Variants in TRPM3 observed in about 807,000 individuals in gnomAD.
TRPM3 encodes the protein long transient receptor potential channel 3.
A neutral mutation model predicts 181.2 loss-of-function variants in TRPM3; 77 were observed. That is an observed-to-expected ratio of 0.42 (90% CI 0.35 to 0.51). The LOEUF is 0.51. Among genes scored for constraint, TRPM3 ranks in the 20% least tolerant of loss-of-function variants. TRPM3 has a pLI of 0.01. For missense variants in TRPM3, 1,759 were observed against 2,196.7 expected, an observed-to-expected ratio of 0.80 and a Z score of 3.98; for synonymous variants, 745 against 796.4, an observed-to-expected ratio of 0.94 and a Z score of 1.09.
At chr9:70,923,907 CACAT>C (rs1320668868) in intron 1 of TRPM3, among the ~76,000 whole-genome samples, 1 of 107,210 alleles carries the variant, frequency 9.3e-6, no homozygotes, top group African/African-American at 2.7e-5. Context: ...CATACACACA[CACAT>C]ATATACATAT....
chr9:70,593,297 G>A (rs2058446317), intron 21 of TRPM3, among the ~76,000 whole-genome samples: 1 of 152,212 alleles, frequency 6.6e-6, no homozygotes, highest in Admixed American at 6.5e-5. Context: ...CAAGCCAGCT[G>A]TGTTGAAAGT....
At chr9:70,656,714 A>T (rs2060390736) in intron 9 of TRPM3, among the ~76,000 whole-genome samples, 1 of 152,204 alleles carries the variant, frequency 6.6e-6, no homozygotes, top group South Asian at 2.1e-4. Context: ...TAGAATCTAA[A>T]GTTGTATTAA....
intron 1 of TRPM3, among the ~76,000 whole-genome samples, chr9:71,004,866 A>G (rs2097656612): frequency 6.6e-6 from 1 of 152,188 alleles, no homozygotes; most frequent in Non-Finnish European, 1.5e-5. Context: ...GACTTGATCA[A>G]ACAGAGGAAA....
At chr9:70,862,574 T>C (rs1040790961) in intron 3 of TRPM3, among the ~76,000 whole-genome samples, 4 of 152,112 alleles carry the variant, frequency 2.6e-5, no homozygotes, top group Non-Finnish European at 5.9e-5. Context: ...GAAAAATATG[T>C]CTTAATGGAT....
intron 1 of TRPM3, among the ~76,000 whole-genome samples, chr9:71,415,904 C>A (rs2093630172): frequency 1.3e-5 from 2 of 151,748 alleles, no homozygotes; most frequent in African/African-American, 4.8e-5. Context: ...AACACTCACC[C>A]TAAAACTGTA....
chr9:70,821,688 G>T (rs1564449239), intron 6 of TRPM3, among the ~76,000 whole-genome samples: 1 of 152,110 alleles, frequency 6.6e-6, no homozygotes, highest in Non-Finnish European at 1.5e-5. Flanking sequence ...TACTCTTTTA[G>T]ATTAATGATT....
rs369718593 is a variant in TRPM3 at position 70,957,179 on chromosome 9, G to A, written c.178-92668C>T. On this transcript the variant is annotated intron_variant, in intron 1 of 25. Coordinates refer to ENST00000677713, the MANE Select transcript of TRPM3 (RefSeq NM_001366145.2). ...GGGTTTCACCATGTTGGTCAGGGTG[G>A]TCTCAAACTCCTGACCTCAAATGAT... 2.4e-4 allele frequency among the ~76,000 whole-genome samples: 37 copies of A among 152,044 alleles called. 1 individual carries two copies. In the South Asian group the frequency reaches 7.7e-3, roughly 32 times the overall value.
chr9:70,546,331 G>C (rs922292532), intron 25 of TRPM3, among the ~76,000 whole-genome samples: 2 of 152,132 alleles, frequency 1.3e-5, no homozygotes, highest in Non-Finnish European at 2.9e-5. Context: ...CAGATCTAGT[G>C]ACAGAAACTC....
chr9:70,770,499 A>AT (rs1438122670), intron 7 of TRPM3, among the ~76,000 whole-genome samples: 1 of 152,294 alleles, frequency 6.6e-6, no homozygotes, highest in South Asian at 2.1e-4. Context: ...ATACATCTAC[A>AT]TTTTTTCAAC....
rs567092538 is a variant in TRPM3 at position 71,270,291 on chromosome 9, A to C, written c.183+176362T>G. On this transcript the variant is annotated intron_variant, in intron 1 of 24. Coordinates refer to the TRPM3 transcript ENST00000357533. ...CTTGAACCTGGGAGGCAGAGGTTAC[A>C]GTGAGCCAAGACGGTGCCACTGCAC... Among the ~76,000 whole-genome samples the C allele has an allele frequency of 5.9e-5, 9 of 152,348 alleles. No individual in the cohort carries two copies. The East Asian group carries it at 1.7e-3, about 29-fold the overall frequency.
intron 1 of TRPM3, among the ~76,000 whole-genome samples, chr9:71,426,931 T>C (rs1029276766): frequency 6.6e-6 from 1 of 152,188 alleles, no homozygotes; most frequent in Admixed American, 6.5e-5. Flanking sequence ...TATGATTTCA[T>C]CCTTGAATAA....
At chr9:70,934,964 C>G (rs138019457) in intron 1 of TRPM3, among the ~76,000 whole-genome samples, 3 of 152,116 alleles carry the variant, frequency 2.0e-5, no homozygotes, top group African/African-American at 4.8e-5. Context: ...ATCTAGAGGG[C>G]CTTTTCCATA....
intron 1 of TRPM3, among the ~76,000 whole-genome samples, chr9:71,359,654 T>G (rs1216388218): frequency 6.6e-6 from 1 of 152,158 alleles, no homozygotes; most frequent in East Asian, 1.9e-4. Flanking sequence ...CTTAGTAACT[T>G]TCTTGGGTGC....
At chr9:70,589,236 T>C (rs1407313838) in intron 22 of TRPM3, among the ~76,000 whole-genome samples, 1 of 152,234 alleles carries the variant, frequency 6.6e-6, no homozygotes, top group Non-Finnish European at 1.5e-5. Context: ...TCTTTTAAAA[T>C]AACAATAATA....
intron 1 of TRPM3, among the ~76,000 whole-genome samples, chr9:71,006,613 T>C (rs2134302095): frequency 6.6e-6 from 1 of 152,258 alleles, no homozygotes; most frequent in East Asian, 1.9e-4. Flanking sequence ...CTCACGCCTG[T>C]AATCTCAGCA....
intron 6 of TRPM3, among the ~76,000 whole-genome samples, chr9:70,798,694 G>A (rs1223724940): frequency 2.0e-5 from 3 of 152,092 alleles, no homozygotes; most frequent in Non-Finnish European, 4.4e-5. Flanking sequence ...CAATGCTTAG[G>A]ATCATACCTT....
chr9:71,016,698 T>C (rs983702311), intron 1 of TRPM3, among the ~76,000 whole-genome samples: 1 of 152,232 alleles, frequency 6.6e-6, no homozygotes, highest in African/African-American at 2.4e-5. Context: ...CTTTTGGCTA[T>C]TGTGAATAAT....
intron 1 of TRPM3, chr9:71,446,547 T>A: frequency 8.4e-7 from 1 of 1,195,766 alleles, no homozygotes; most frequent in African/African-American, 1.6e-5. Context: ...ACAAGTTCCC[T>A]GGCTCTCACC....
intron 1 of TRPM3, among the ~76,000 whole-genome samples, chr9:71,409,163 T>G (rs1030405547): frequency 2.0e-5 from 3 of 152,046 alleles, no homozygotes; most frequent in Non-Finnish European, 2.9e-5. Flanking sequence ...CATGACAAAT[T>G]GTAAAGACCA....
Sources: allele counts gnomAD v4.1 joint callset (sites outside exome capture counted in the v4.1 genomes callset), GRCh38; gene constraint gnomAD v4.1.1; transcripts MANE v1.5; gene names NCBI Gene and HGNC (gene_info 2026-07-23, HGNC 2026-07-21).